The following ANKS3 variants were observed in gnomAD, a reference collection of about 807,000 sequenced individuals.
ANKS3 encodes ankyrin repeat and sterile alpha motif domain containing 3, also known as ankyrin repeat and SAM domain-containing protein 3.
ANKS3 carries 62 observed loss-of-function variants against 80.7 expected under a neutral mutation model. The ratio of observed to expected loss-of-function variants is 0.77; its 90% CI spans 0.63 to 0.95. ANKS3 has a LOEUF of 0.95. ANKS3 is among the 40% of genes least tolerant of loss of function. The probability of loss-of-function intolerance (pLI) is 0.00; values close to 1 mark genes in which losing one functional copy is unlikely to be tolerated. For missense variants in ANKS3, 1,150 were observed against 883.6 expected, an observed-to-expected ratio of 1.30 and a Z score of -3.82; for synonymous variants, 489 against 355.3, an observed-to-expected ratio of 1.38 and a Z score of -4.23.
chr16:4,727,808 G>A (rs2081429054), intron 3 of ANKS3: 1 of 153,340 alleles, frequency 6.5e-6, no homozygotes, highest in Non-Finnish European at 1.5e-5. Context: ...CTTTCTCACT[G>A]ATTGCTGTTA....
At chr16:4,706,292 G>A (rs909883556) in intron 7 of ANKS3, among the ~76,000 whole-genome samples, 1 of 151,700 alleles carries the variant, frequency 6.6e-6, no homozygotes, top group Non-Finnish European at 1.5e-5. Flanking sequence ...GTGCAATGGT[G>A]CGATCACGGC....
At chr16:4,700,792 G>A in intron 11 of ANKS3, 178 bp downstream of exon 11, 1 of 856,560 alleles carries the variant, frequency 1.2e-6, no homozygotes, top group Non-Finnish European at 2.0e-6. Context: ...AAGCGCTGCA[G>A]CGGGGCTGCC....
intron 9 of ANKS3, 159 bp from the exon 10 acceptor site, chr16:4,701,702 C>T (rs765827549): frequency 2.0e-5 from 12 of 606,842 alleles, no homozygotes; most frequent in Non-Finnish European, 3.1e-5. Context: ...ACCCTCCCCT[C>T]TATACAGACG....
rs969454992 is a variant in ANKS3 at position 4,696,797 on chromosome 16, C to T, written c.*111G>A. On this transcript the variant is annotated 3_prime_UTR_variant, in exon 18 of 18. Transcript: ENST00000304283. ...TGCTCCCGGGGCCTGATCCTCTGGCCCCCACTGGGCCTGGGCTGCACATGG... is the reference window on the plus strand; with the variant it reads ...TGCTCCCGGGGCCTGATCCTCTGGCTCCCACTGGGCCTGGGCTGCACATGG... The T allele has an allele frequency of 1.2e-5, 7 of 589,012 alleles. No individual in the cohort carries two copies. The Admixed American group carries it at 2.1e-4, about 18-fold the overall frequency. 36.5% of individuals were successfully genotyped at this position (589,012 alleles called of 1,614,324 possible).
rs1198398707 is a variant in ANKS3 at position 4,721,638 on chromosome 16, AT to A, written c.573+3111del. ...TATTGATTTATTGATTTATTTATTT[AT>A]TTATTTATTTATTTATTTAGAGATA... On this transcript the variant is annotated intron_variant, in intron 6 of 17. Transcript: ENST00000304283. 3.3e-5 allele frequency among the ~76,000 whole-genome samples: 5 copies of A among 149,652 alleles called. No homozygotes were observed. The South Asian group carries it at 1.1e-3, about 32-fold the overall frequency.
In ANKS3 at chr16:4,699,161, G is replaced by A; in HGVS notation, c.1300C>T (p.Leu434=). 1.2e-6 allele frequency: 2 copies of A among 1,614,046 alleles called. No homozygotes were observed. Among genetic ancestry groups the A allele is most frequent in the African/African-American group, 1.3e-5 (1 of 75,060 alleles). ...YSGPQDLAAL[L]EQIGCLKYLQ... ...TACTTCAGACACCCGATCTGCTCCA[G>A]CAGTGCGGCAAGGTCCTGGCAGGCA... The change falls in exon 12 of 18, where the codon CTG becomes TTG. Residue 434 remains leucine, a synonymous_variant. Transcript: ENST00000304283.
intron 7 of ANKS3, among the ~76,000 whole-genome samples, chr16:4,706,686 C>G (rs2080213390): frequency 6.6e-6 from 1 of 152,160 alleles, no homozygotes; most frequent in Non-Finnish European, 1.5e-5. Context: ...GTATAAGGCT[C>G]TGATCTGATT....
intron 5 of ANKS3, among the ~76,000 whole-genome samples, chr16:4,725,998 T>G (rs924489368): frequency 3.6e-4 from 50 of 137,046 alleles, no homozygotes; most frequent in African/African-American, 1.3e-3. Context: ...TTTTTTGAGA[T>G]GGAGTCTTGC....
At chr16:4,702,380 C>G in intron 8 of ANKS3, 138 bp from the exon 9 acceptor site, 1 of 927,828 alleles carries the variant, frequency 1.1e-6, no homozygotes, top group Non-Finnish European at 1.5e-6. Flanking sequence ...ATGGCTCTAT[C>G]TGTGGTGTGT....
chr16:4,699,858 C>T (rs1219265356), intron 11 of ANKS3: 1 of 107,072 alleles, frequency 9.3e-6, no homozygotes, highest in East Asian at 3.5e-4. Context: ...ATTTTCATTT[C>T]ATTTACTTTT....
rs2142156089 is a variant in ANKS3, at chr16:4,727,194, T to A, written c.171-17A>T. ...AACTCTCTCCTAAACAAACGCAAGA[T>A]ATGCTAGACATGGCCAGCCGCCTCG... is the stretch of plus-strand genomic sequence containing the variant. On this transcript the variant is annotated splice_polypyrimidine_tract_variant and intron_variant, in intron 3 of 17. Coordinates refer to ENST00000304283, the MANE Select transcript of ANKS3 (RefSeq NM_133450.4). 2 of 1,613,028 alleles carry A rather than the reference T, an allele frequency of 1.2e-6. No homozygotes were observed.
rs151280564 is a variant in ANKS3, at chr16:4,701,060, G to A, written c.1194C>T (p.Ser398=). 6 of 1,614,092 alleles carry A rather than the reference G, an allele frequency of 3.7e-6. No individual in the cohort carries two copies. The highest frequency in any genetic ancestry group is 5.1e-6 in the Non-Finnish European group (6 of 1,180,028). Residue 398 remains serine (S), a synonymous_variant, in exon 11 of 18, where the codon AGC becomes AGT. Coordinates refer to ENST00000304283, the MANE Select transcript of ANKS3 (RefSeq NM_133450.4). ...CAGTTGCAGCGCGGGGAGGCCACTGGCTGTCAGGATTCTTGGTCTTCATGT... is the reference window on the plus strand; with the variant it reads ...CAGTTGCAGCGCGGGGAGGCCACTGACTGTCAGGATTCTTGGTCTTCATGT... ...KSYMKTKNPD[S]QWPPRAATDR... is the part of the protein sequence containing the mutation.
At chr16:4,714,230 G>A (rs769517807) in intron 6 of ANKS3, 44 bp from the exon 7 acceptor site, 18 of 1,607,018 alleles carry the variant, frequency 1.1e-5, no homozygotes, top group Non-Finnish European at 1.5e-5. Flanking sequence ...CTCCTTCAAA[G>A]CACCTGCCCT....
chr16:4,709,325 G>A (rs970994404), intron 7 of ANKS3, among the ~76,000 whole-genome samples: 1 of 151,564 alleles, frequency 6.6e-6, no homozygotes, highest in African/African-American at 2.4e-5. Context: ...AGAATCGCTT[G>A]AACCCGGGAG....
At chr16:4,713,220 ATCGC>A (rs759191199) in intron 7 of ANKS3, among the ~76,000 whole-genome samples, 7 of 152,250 alleles carry the variant, frequency 4.6e-5, no homozygotes, top group South Asian at 2.1e-4. Flanking sequence ...GTGAGGCAAG[ATCGC>A]TTCATTGCAC....
chr16:4,731,669 T>C (rs1272226454), intron 1 of ANKS3, 90 bp from the exon 2 acceptor site: 7 of 712,874 alleles, frequency 9.8e-6, no homozygotes, highest in Non-Finnish European at 1.2e-5. Context: ...CTGAAAAAAA[T>C]AGAAAGCAAT....
Position 4,698,145 on chromosome 16 carries a change from AG to A in ANKS3, c.1725-84del. The A allele has an allele frequency of 2.8e-6, 4 of 1,439,862 alleles. No homozygotes were observed. In the South Asian group the frequency reaches 3.8e-5, roughly 14 times the overall value. The allele number at this position is 1,439,862 out of a possible 1,614,324, so 89.2% of individuals were successfully genotyped here. ...CCACCTCAGACCTTCTAGGGGAGGG[AG>A]GGGCTCAGCCCTGTCCTTGCAGCTG... On this transcript the variant is annotated intron_variant, in intron 14 of 17. Coordinates refer to ENST00000304283, the MANE Select transcript of ANKS3 (RefSeq NM_133450.4).
intron 3 of ANKS3, chr16:4,727,956 C>T (rs1220317332): frequency 6.6e-6 from 1 of 152,336 alleles, no homozygotes; most frequent in Non-Finnish European, 1.5e-5. Flanking sequence ...TTAACGCCCA[C>T]AGGCCTTCTT....
intron 7 of ANKS3, among the ~76,000 whole-genome samples, chr16:4,711,059 G>A (rs2080458219): frequency 6.7e-6 from 1 of 149,484 alleles, no homozygotes; most frequent in Admixed American, 6.7e-5. Flanking sequence ...AAAGTGCTGA[G>A]ATTACAGGCA....
Sources: allele counts gnomAD v4.1 joint callset (sites outside exome capture counted in the v4.1 genomes callset), GRCh38; gene constraint gnomAD v4.1.1; transcripts MANE v1.5; gene names NCBI Gene and HGNC (gene_info 2026-07-23, HGNC 2026-07-21).